ASXL3: variants seen among roughly 807,000 people sequenced by gnomAD.
The protein encoded by ASXL3 is ASXL transcriptional regulator 3.
ASXL3 carries 34 observed loss-of-function variants against 170.6 expected under a neutral mutation model. The ratio of observed to expected loss-of-function variants is 0.20; its 90% CI spans 0.15 to 0.27. The LOEUF is 0.27. Ranked by LOEUF, ASXL3 falls within the 10% of genes least tolerant of loss-of-function variation. ASXL3 has a pLI of 1.00. For missense variants in ASXL3, 2,592 were observed against 2,695.3 expected (o/e 0.96, Z 0.85); for synonymous variants, 1,002 against 989.1 (o/e 1.01, Z -0.24).
At chr18:33,660,079 T>C (rs1372582266) in intron 4 of ASXL3, among the ~76,000 whole-genome samples, 2 of 152,134 alleles carry the variant, frequency 1.3e-5, no homozygotes, top group African/African-American at 4.8e-5. Flanking sequence ...AAATCATGGG[T>C]TCTGGAGCTA....
intron 4 of ASXL3, among the ~76,000 whole-genome samples, chr18:33,653,298 A>G (rs2066031024): frequency 6.6e-6 from 1 of 151,974 alleles, no homozygotes; most frequent in South Asian, 2.1e-4. Flanking sequence ...AGCCATTCCT[A>G]AGAATCTTGC....
At chr18:33,733,478 T>C (rs2067487228) in intron 9 of ASXL3, among the ~76,000 whole-genome samples, 1 of 152,176 alleles carries the variant, frequency 6.6e-6, no homozygotes, top group South Asian at 2.1e-4. Context: ...CAGCATCCTG[T>C]TGCTACTGGC....
intron 11 of ASXL3, among the ~76,000 whole-genome samples, chr18:33,740,818 C>T (rs1019979473): frequency 6.6e-6 from 1 of 152,030 alleles, no homozygotes; most frequent in East Asian, 1.9e-4. Flanking sequence ...GAACTTACAC[C>T]ATAAACCCAG....
At chr18:33,673,337 C>T (rs1363872613) in intron 7 of ASXL3, among the ~76,000 whole-genome samples, 1 of 151,814 alleles carries the variant, frequency 6.6e-6, no homozygotes, top group African/African-American at 2.4e-5. Context: ...AAGGTATACC[C>T]TTATCAGTAT....
chr18:33,596,970 G>A (rs1479607307), intron 1 of ASXL3, among the ~76,000 whole-genome samples: 6 of 151,870 alleles, frequency 4.0e-5, no homozygotes, highest in Non-Finnish European at 8.8e-5. Context: ...GTGCCACCAC[G>A]CTTGGCTAAT....
Position 33,661,619 on chromosome 18 carries a change from G to A in ASXL3, c.359G>A (p.Cys120Tyr), listed in dbSNP as rs111680888. 10 of 1,608,588 alleles carry A rather than the reference G, an allele frequency of 6.2e-6. No individual in the cohort carries two copies. The highest frequency in any genetic ancestry group is 8.5e-6 in the Non-Finnish European group (10 of 1,177,186). ...CATTATCTCTCTCTGTTTCTAGTTT[G>A]TTCGAAGCAGGTAACTGATGAAGCA... ...ANAHGEENGV[C>Y]SKQVTDEASS... Residue 120 changes from cysteine (C) to tyrosine (Y), a missense_variant, in exon 5 of 12, where the codon TGT (cysteine) becomes TAT (tyrosine). Physicochemically the swap from Cys to Tyr is radical, Grantham distance 194. Transcript: ENST00000269197.
chr18:33,624,601 C>A (rs1186640977), intron 2 of ASXL3, among the ~76,000 whole-genome samples: 2 of 152,094 alleles, frequency 1.3e-5, no homozygotes, highest in East Asian at 3.9e-4. Flanking sequence ...GACAGTATTT[C>A]TGCCCATTAT....
At chr18:33,615,093 C>G (rs563689825) in intron 2 of ASXL3, among the ~76,000 whole-genome samples, 7 of 152,212 alleles carry the variant, frequency 4.6e-5, no homozygotes, top group Admixed American at 3.3e-4. Flanking sequence ...ACCTCTCTAC[C>G]TATGAAAGTC....
At chr18:33,618,012 T>A (rs948136014) in intron 2 of ASXL3, among the ~76,000 whole-genome samples, 1 of 152,178 alleles carries the variant, frequency 6.6e-6, no homozygotes, top group Non-Finnish European at 1.5e-5. Context: ...TTAGTTTTGC[T>A]TCATTGTTTT....
chr18:33,662,428 G>A (rs1403812298), intron 5 of ASXL3, among the ~76,000 whole-genome samples: 1 of 152,142 alleles, frequency 6.6e-6, no homozygotes. Flanking sequence ...GGAAATAATA[G>A]TATCTTGCTC....
chr18:33,615,238 T>C (rs566011870), intron 2 of ASXL3, among the ~76,000 whole-genome samples: 1 of 152,278 alleles, frequency 6.6e-6, no homozygotes, highest in East Asian at 1.9e-4. Flanking sequence ...TAATTGCTGC[T>C]TCACTTTGCA....
chr18:33,582,033 C>A (rs1212320597), intron 1 of ASXL3, among the ~76,000 whole-genome samples: 1 of 152,122 alleles, frequency 6.6e-6, no homozygotes, highest in Non-Finnish European at 1.5e-5. Context: ...TGTTACTTTG[C>A]GCATTGCCAT....
rs76413252 is a variant in ASXL3, at chr18:33,644,558, G to A, written c.138-336G>A. Among the ~76,000 whole-genome samples the A allele has an allele frequency of 3.1e-3, 451 of 146,220 alleles. 3 individuals are homozygous for A. Among genetic ancestry groups the A allele is most frequent in the African/African-American group, 0.011 (437 of 40,498 alleles). On this transcript the variant is annotated intron_variant, in intron 2 of 11. Coordinates refer to ENST00000269197, the MANE Select transcript of ASXL3 (RefSeq NM_030632.3). ...AAGCTAAGGCTTCATGGTGTTATTT[G>A]TAAAATAACACCACATAAGTATTTG...
intron 4 of ASXL3, among the ~76,000 whole-genome samples, chr18:33,659,645 T>G (rs761769197): frequency 6.6e-6 from 1 of 152,092 alleles, no homozygotes. Context: ...CTGATTATTA[T>G]TTCTAATATT....
chr18:33,643,537 A>G (rs1204993739), intron 2 of ASXL3, among the ~76,000 whole-genome samples: 1 of 151,902 alleles, frequency 6.6e-6, no homozygotes, highest in Non-Finnish European at 1.5e-5. Context: ...ATGTTGGCAC[A>G]GAGAAGCTGC....
In ASXL3 at chr18:33,745,735, T is replaced by A. The variant is rs748216242; in HGVS notation, c.5887T>A (p.Phe1963Ile). The A allele has an allele frequency of 1.9e-6, 3 of 1,613,970 alleles. No homozygotes were observed. The highest frequency in any genetic ancestry group is 2.5e-6 in the Non-Finnish European group (3 of 1,179,876). ...KTPVGCNAFA[F>I]NRHLEQKGLG... Reference sequence around the variant, plus strand: ...CCCAGTGGGGTGTAATGCATTTGCCTTCAACAGGCATCTTGAACAGAAGGG... The same window carrying A: ...CCCAGTGGGGTGTAATGCATTTGCCATCAACAGGCATCTTGAACAGAAGGG... The change falls in exon 12 of 12, where the codon TTC (phenylalanine) becomes ATC (isoleucine). Residue 1963 changes from phenylalanine (F) to isoleucine (I), a missense_variant. By Grantham distance (21) the Phe-to-Ile change is conservative. Transcript: ENST00000269197.
At chr18:33,731,184 G>A (rs1027826222) in intron 8 of ASXL3, among the ~76,000 whole-genome samples, 1 of 148,916 alleles carries the variant, frequency 6.7e-6, no homozygotes, top group Non-Finnish European at 1.5e-5. Context: ...AGGTGAAAAT[G>A]GAGTGTAGAA....
At chr18:33,649,817 G>C (rs2065969967) in intron 4 of ASXL3, among the ~76,000 whole-genome samples, 2 of 152,148 alleles carry the variant, frequency 1.3e-5, no homozygotes, top group Non-Finnish European at 2.9e-5. Flanking sequence ...AAGGAAATGA[G>C]TTGGAAGTGT....
intron 3 of ASXL3, 36 bp from the exon 4 acceptor site, chr18:33,646,209 C>T: frequency 6.5e-7 from 1 of 1,547,966 alleles, no homozygotes; most frequent in Non-Finnish European, 8.9e-7. Flanking sequence ...GCTAATACAT[C>T]TTCTCCATAA....
Sources: allele counts gnomAD v4.1 joint callset (sites outside exome capture counted in the v4.1 genomes callset), GRCh38; gene constraint gnomAD v4.1.1; transcripts MANE v1.5; gene names NCBI Gene and HGNC (gene_info 2026-07-23, HGNC 2026-07-21).